Variants in MYO10 observed in about 807,000 individuals in gnomAD.
MYO10 encodes unconventional myosin-X.
In MYO10, 133 loss-of-function variants were observed where a neutral mutation model predicts 257.3. That is an observed-to-expected ratio of 0.52 (90% CI 0.45 to 0.60). MYO10 has a LOEUF of 0.60. Among genes scored for constraint, MYO10 ranks in the 20% least tolerant of loss-of-function variants. The pLI, the probability that MYO10 is intolerant of heterozygous loss-of-function variation, is 0.00. For missense variants in MYO10, 2,399 were observed against 2,635.7 expected (o/e 0.91, Z 1.97); for synonymous variants, 1,104 against 1,028.6 (o/e 1.07, Z -1.40).
At chr5:16,934,580 T>C (rs1458327563) in intron 1 of MYO10, among the ~76,000 whole-genome samples, 2 of 152,206 alleles carry the variant, frequency 1.3e-5, no homozygotes, top group Admixed American at 6.5e-5. Flanking sequence ...TATATATATT[T>C]CACTTTTTTT....
Position 16,710,138 on chromosome 5 carries a change from G to A in MYO10, c.2169+770C>T, listed in dbSNP as rs981009896. Among the ~76,000 whole-genome samples, 6 of 152,230 alleles carry A rather than the reference G, an allele frequency of 3.9e-5. No homozygotes were observed. In the East Asian group the frequency reaches 5.8e-4, roughly 15 times the overall value. ...TGCTGTGTGTAAGGGCAGAAGGAGC[G>A]GGAATGAGGATTCACTCTTCGAGGA... On this transcript the variant is annotated intron_variant, in intron 21 of 40. Transcript: ENST00000513610.
rs1746421069 is a variant in MYO10 at position 16,935,699 on chromosome 5, AG to A, written c.21+88del. ...CAGAAAGTTGCGCCTTCCAGGGCTT[AG>A]GAAAAAGTACCCAGGGCGCGCGGCG... On this transcript the variant is annotated intron_variant, in intron 1 of 40. Transcript: ENST00000513610. 3 of 1,530,640 alleles carry A rather than the reference AG, an allele frequency of 2.0e-6. No homozygotes were observed. In the South Asian group the frequency reaches 3.4e-5, roughly 17 times the overall value. 94.8% of individuals were successfully genotyped at this position (1,530,640 alleles called of 1,614,324 possible).
At chr5:16,721,694 G>C (rs1739159291) in intron 19 of MYO10, among the ~76,000 whole-genome samples, 1 of 152,154 alleles carries the variant, frequency 6.6e-6, no homozygotes, top group Admixed American at 6.6e-5. Flanking sequence ...TACCCGCTGA[G>C]ACTAAGTACA....
chr5:16,918,524 CAG>C (rs1233970702), intron 1 of MYO10, among the ~76,000 whole-genome samples: 4 of 103,920 alleles, frequency 3.8e-5, no homozygotes, highest in Non-Finnish European at 7.3e-5. Flanking sequence ...TTTTTTGAGA[CAG>C]AGTTTCGCTC....
At chr5:16,776,314 T>A in intron 9 of MYO10, among the ~76,000 whole-genome samples, 1 of 152,132 alleles carries the variant, frequency 6.6e-6, no homozygotes, top group East Asian at 1.9e-4. Flanking sequence ...CTTTTTCTTT[T>A]TGCTGCACTG....
chr5:16,842,895 A>G (rs1251341237), intron 2 of MYO10, among the ~76,000 whole-genome samples: 1 of 150,230 alleles, frequency 6.7e-6, no homozygotes, highest in Non-Finnish European at 1.5e-5. Flanking sequence ...CCCCGTCTCT[A>G]CTAAAAAAAA....
chr5:16,859,926 C>A (rs922857801), intron 2 of MYO10, among the ~76,000 whole-genome samples: 14 of 151,874 alleles, frequency 9.2e-5, no homozygotes, highest in Non-Finnish European at 1.8e-4. Flanking sequence ...AAGATAGAAA[C>A]AGGTAAGGGA....
intron 26 of MYO10, among the ~76,000 whole-genome samples, chr5:16,698,636 T>A (rs1455421506): frequency 2.1e-4 from 29 of 139,272 alleles, no homozygotes; most frequent in African/African-American, 8.5e-4. Context: ...TTTTTTTTTT[T>A]TTTTTGAGAC....
intron 2 of MYO10, among the ~76,000 whole-genome samples, chr5:16,836,950 G>C (rs769898411): frequency 6.6e-6 from 1 of 152,222 alleles, no homozygotes; most frequent in Non-Finnish European, 1.5e-5. Context: ...CCAAATGGTT[G>C]TAACAGATGA....
intron 1 of MYO10, among the ~76,000 whole-genome samples, chr5:16,891,357 AAGGAAGGAAGGAAGGAAGGAAG>A (rs2126774644): frequency 1.7e-5 from 1 of 58,292 alleles, no homozygotes; most frequent in East Asian, 3.2e-4. Flanking sequence ...GGAAGGAAGG[AAGGAAGGAAGGAAGGAAGGAAG>A]GAGAGAGAGA....
chr5:16,828,135 G>A (rs1238145204), intron 2 of MYO10, among the ~76,000 whole-genome samples: 1 of 152,156 alleles, frequency 6.6e-6, no homozygotes, highest in Non-Finnish European at 1.5e-5. Flanking sequence ...CTCCGCGGCA[G>A]AGATGCTGAG....
chr5:16,776,854 G>A (rs1228144258), intron 9 of MYO10, among the ~76,000 whole-genome samples: 2 of 152,210 alleles, frequency 1.3e-5, no homozygotes, highest in Non-Finnish European at 2.9e-5. Context: ...AAGCGAGCTC[G>A]CAGGTGATGG....
At chr5:16,778,140 G>A (rs1383126091) in intron 9 of MYO10, among the ~76,000 whole-genome samples, 2 of 152,154 alleles carry the variant, frequency 1.3e-5, no homozygotes, top group South Asian at 2.1e-4. Context: ...ATGAGCCACC[G>A]TGCCCGGCTG....
At chr5:16,760,704 CGCA>C (rs1740684566) in intron 17 of MYO10, among the ~76,000 whole-genome samples, 1 of 152,044 alleles carries the variant, frequency 6.6e-6, no homozygotes, top group South Asian at 2.1e-4. Context: ...AGCTTAACCA[CGCA>C]GCTCTAAGCT....
At chr5:16,675,179 C>A (rs1736668049) in intron 34 of MYO10, 29 bp from the exon 35 acceptor site, 3 of 1,609,060 alleles carry the variant, frequency 1.9e-6, no homozygotes, top group Non-Finnish European at 2.5e-6. Flanking sequence ...ACACGGAACT[C>A]ATCTGAGGGG....
intron 19 of MYO10, among the ~76,000 whole-genome samples, chr5:16,743,114 C>G (rs1740071753): frequency 1.3e-5 from 2 of 151,998 alleles, no homozygotes; most frequent in Non-Finnish European, 2.9e-5. Context: ...GAACAAAACT[C>G]CACCACAAAA....
At chr5:16,672,988 T>C (rs1195652920) in intron 36 of MYO10, among the ~76,000 whole-genome samples, 163 bp from the exon 37 acceptor site, 2 of 152,224 alleles carry the variant, frequency 1.3e-5, no homozygotes, top group Non-Finnish European at 2.9e-5. Context: ...TCAAAAGTAC[T>C]ATTTTCCCTT....
At chr5:16,669,020 A>T (rs996413319) in intron 39 of MYO10, among the ~76,000 whole-genome samples, 1 of 152,158 alleles carries the variant, frequency 6.6e-6, no homozygotes, top group Non-Finnish European at 1.5e-5. Context: ...GGACTTTACC[A>T]GTTTAACTGT....
rs754769416 is a variant in MYO10 at position 16,758,208 on chromosome 5, A to T, written c.1758T>A (p.Asp586Glu). The T allele has an allele frequency of 2.5e-5, 41 of 1,612,194 alleles. No homozygotes were observed. Among genetic ancestry groups the T allele is most frequent in the Non-Finnish European group, 3.2e-5 (38 of 1,178,398 alleles). The change falls in exon 18 of 41, where the codon GAT becomes GAA. Residue 586 changes from aspartate to glutamate, a missense_variant. Physicochemically the swap from Asp to Glu is conservative, Grantham distance 45. Transcript: ENST00000513610. ...TGCGGCTTGAAACATGTTCAAAAAG[A>T]TCGTAGATAAAGTCAAATCTGTGTG... ...LRESRFDFIY[D>E]LFEHVSSRNN...
Sources: allele counts gnomAD v4.1 joint callset (sites outside exome capture counted in the v4.1 genomes callset), GRCh38; gene constraint gnomAD v4.1.1; transcripts MANE v1.5; gene names NCBI Gene and HGNC (gene_info 2026-07-23, HGNC 2026-07-21).